The following CLUL1 variants were observed in gnomAD, a reference collection of about 807,000 sequenced individuals.
The protein encoded by CLUL1 is clusterin-like protein 1.
CLUL1 carries 43 observed loss-of-function variants against 49.4 expected under a neutral mutation model. The ratio of observed to expected loss-of-function variants is 0.87; its 90% confidence interval spans 0.68 to 1.12. The LOEUF (loss-of-function observed/expected upper bound fraction) is 1.12, where lower values mean the gene tolerates loss of function less well. CLUL1 is among the 50% of genes most tolerant of loss of function. CLUL1 has a pLI of 0.00. For missense variants in CLUL1, 486 were observed against 544.4 expected (o/e 0.89, Z 1.07); for synonymous variants, 192 against 184.9 (o/e 1.04, Z -0.31).
chr18:649,803 C>T (rs878855401), intron 9 of CLUL1, 95 bp from the exon 10 acceptor site: 1 of 813,632 alleles, frequency 1.2e-6, no homozygotes, highest in South Asian at 1.6e-5. Flanking sequence ...TATTCTATTA[C>T]CCATCCTGGA....
intron 9 of CLUL1, among the ~76,000 whole-genome samples, chr18:647,438 A>T (rs1283221624): frequency 6.6e-6 from 1 of 152,172 alleles, no homozygotes; most frequent in African/African-American, 2.4e-5. Flanking sequence ...GTCAGAGGGG[A>T]AGCTGGACGT....
At chr18:603,387 G>A (rs755328658) in intron 1 of CLUL1, among the ~76,000 whole-genome samples, 1 of 151,948 alleles carries the variant, frequency 6.6e-6, no homozygotes, top group Admixed American at 6.6e-5. Flanking sequence ...CAGGGCAGAA[G>A]TAGGGAGGTA....
In CLUL1 at chr18:650,172, A is replaced by G; in HGVS notation, c.*271A>G. 3.8e-6 allele frequency: 1 copy of G among 264,238 alleles called. No homozygotes were observed. Among genetic ancestry groups the G allele is most frequent in the Non-Finnish European group, 7.1e-6 (1 of 141,814 alleles). The allele number at this position is 264,238 out of a possible 1,614,324, so 16.4% of individuals were successfully genotyped here. On this transcript the variant is annotated 3_prime_UTR_variant, in exon 10 of 10. Coordinates refer to ENST00000692774, the MANE Select transcript of CLUL1 (RefSeq NM_001393344.1). ...GTAGTTCTTTGTATATTGAATAAAT[A>G]CTAAATCACCTAGGTGTCTATGTTC...
chr18:645,262 T>G, intron 9 of CLUL1, 165 bp downstream of exon 9: 1 of 492,756 alleles, frequency 2.0e-6, no homozygotes, highest in East Asian at 3.4e-5. Context: ...ATTTGCAAAT[T>G]AAAAAAAAAC....
In CLUL1 at chr18:633,473, G is replaced by A. The variant is rs189060877; in HGVS notation, c.994+38G>A. ...TATTTTGTTTTTTATTCTACTTTAA[G>A]TTCTCAGGTACATTTTGTTATAAAG... is the stretch of plus-strand genomic sequence containing the variant. On this transcript the variant is annotated intron_variant, in intron 7 of 9. Transcript: ENST00000692774. The A allele has an allele frequency of 3.8e-5, 60 of 1,562,818 alleles. No homozygotes were observed. The East Asian group carries it at 1.3e-3, about 35-fold the overall frequency.
chr18:610,756 G>C (rs2073110724), intron 2 of CLUL1, among the ~76,000 whole-genome samples: 1 of 152,156 alleles, frequency 6.6e-6, no homozygotes, highest in South Asian at 2.1e-4. Flanking sequence ...TGAATCCAAG[G>C]CTGGGGGAGG....
intron 2 of CLUL1, among the ~76,000 whole-genome samples, chr18:607,879 T>C (rs1423240940): frequency 1.3e-5 from 2 of 152,164 alleles, no homozygotes; most frequent in Non-Finnish European, 2.9e-5. Context: ...TAAAACTTCT[T>C]CTGTGCCATT....
rs917274055 is a variant in CLUL1 at position 627,380 on chromosome 18, C to T, written c.707C>T (p.Pro236Leu). The T allele has an allele frequency of 5.0e-6, 8 of 1,613,970 alleles. No homozygotes were observed. Among genetic ancestry groups the T allele is most frequent in the African/African-American group, 1.3e-5 (1 of 74,894 alleles). The change falls in exon 6 of 10, where the codon CCG (proline) becomes CTG (leucine). Residue 236 changes from proline (P) to leucine (L), a missense_variant. By Grantham distance (98) the Pro-to-Leu change is moderately conservative (BLOSUM62 -3). Coordinates refer to ENST00000692774, the MANE Select transcript of CLUL1 (RefSeq NM_001393344.1). Reference protein sequence around the residue: ...PYFFPAFSKEPMTKADLEQCW... With the variant: ...PYFFPAFSKELMTKADLEQCW... ...TTTTTTCCAGCTTTCTCTAAAGAGCCGATGACAAAAGCAGATCTTGAGCAA... is the reference window on the plus strand; with the variant it reads ...TTTTTTCCAGCTTTCTCTAAAGAGCTGATGACAAAAGCAGATCTTGAGCAA...
At chr18:640,076 C>A (rs28880359) in intron 7 of CLUL1, among the ~76,000 whole-genome samples, 2 of 152,164 alleles carry the variant, frequency 1.3e-5, no homozygotes, top group Non-Finnish European at 2.9e-5. Flanking sequence ...AATCCATAAT[C>A]TATGGGTAAT....
chr18:605,291 A>C (rs1322217039), intron 1 of CLUL1, among the ~76,000 whole-genome samples: 1 of 152,212 alleles, frequency 6.6e-6, no homozygotes, highest in South Asian at 2.1e-4. Context: ...AATTACTTTT[A>C]ATTTGAAGAA....
chr18:645,810 A>AATATATATAT (rs35329822), intron 9 of CLUL1, among the ~76,000 whole-genome samples: 32 of 29,864 alleles, frequency 1.1e-3, no homozygotes, highest in South Asian at 2.9e-3. Context: ...AAAAAAAAAA[A>AATATATATAT]ATATATATAT....
intron 1 of CLUL1, among the ~76,000 whole-genome samples, chr18:603,737 T>G (rs144398459): frequency 6.6e-6 from 1 of 152,334 alleles, no homozygotes; most frequent in East Asian, 1.9e-4. Flanking sequence ...TTCAAGCCAT[T>G]AGCAGAAGAT....
chr18:643,995 C>T (rs1196043078), intron 8 of CLUL1, among the ~76,000 whole-genome samples: 2 of 152,182 alleles, frequency 1.3e-5, no homozygotes, highest in African/African-American at 2.4e-5. Context: ...CTCAAAACAG[C>T]TCCTATTTCA....
At chr18:620,531 C>T (rs1417873545) in intron 4 of CLUL1, among the ~76,000 whole-genome samples, 1 of 152,196 alleles carries the variant, frequency 6.6e-6, no homozygotes, top group African/African-American at 2.4e-5. Context: ...GTTGATTCTT[C>T]TGGAATGTAG....
At chr18:642,418 G>C (rs2144184796) in intron 8 of CLUL1, among the ~76,000 whole-genome samples, 1 of 152,208 alleles carries the variant, frequency 6.6e-6, no homozygotes, top group South Asian at 2.1e-4. Flanking sequence ...GGCGACAGAA[G>C]GAGACTCTGT....
chr18:631,604 T>G (rs1474382500), intron 6 of CLUL1, among the ~76,000 whole-genome samples: 2 of 152,152 alleles, frequency 1.3e-5, no homozygotes, highest in African/African-American at 2.4e-5. Flanking sequence ...GCCTAGAATT[T>G]GTCATCCTTG....
chr18:605,776 A>G (rs1382484097), intron 1 of CLUL1, among the ~76,000 whole-genome samples: 1 of 152,110 alleles, frequency 6.6e-6, no homozygotes, highest in East Asian at 1.9e-4. Context: ...TACCAGGTTC[A>G]AGCCATCCTC....
At chr18:634,336 A>G (rs377245212) in intron 7 of CLUL1, among the ~76,000 whole-genome samples, 4 of 152,044 alleles carry the variant, frequency 2.6e-5, no homozygotes, top group Non-Finnish European at 4.4e-5. Flanking sequence ...GTTTCACCAT[A>G]TTGGCCAGGC....
At position 617,987 on chromosome 18, in the gene CLUL1, G is replaced by GT; in HGVS notation, c.-13dup. 6.2e-7 allele frequency: 1 copy of GT among 1,612,858 alleles called. No individual in the cohort carries two copies. On this transcript the variant is annotated splice_region_variant and 5_prime_UTR_variant. Transcript: ENST00000692774. ...GATGCGGGTTTATTTTTCCTTTGCA[G>GT]TAACAGCGGGAACATGAAGCCGCCA...
Sources: gnomAD v4.1 joint callset for allele counts (sites outside exome capture counted in the v4.1 genomes callset) on GRCh38, gnomAD v4.1.1 for gene constraint, MANE v1.5 for transcripts, NCBI Gene and HGNC (gene_info 2026-07-23, HGNC 2026-07-21) for gene names.